Variants in ERBB4 observed in about 807,000 individuals in gnomAD.
ERBB4 encodes the protein erb-b2 receptor tyrosine kinase 4, also known as receptor tyrosine-protein kinase erbB-4.
ERBB4 carries 42 observed loss-of-function variants against 158.0 expected under a neutral mutation model. The ratio of observed to expected loss-of-function variants is 0.27; its 90% CI spans 0.21 to 0.34. The LOEUF is 0.34. Among genes scored for constraint, ERBB4 ranks in the 10% least tolerant of loss-of-function variants. The pLI is 1.00. For missense variants in ERBB4, 1,333 were observed against 1,624.1 expected (o/e 0.82, Z 3.08); for synonymous variants, 583 against 558.7 (o/e 1.04, Z -0.61).
At chr2:212,109,743 T>C (rs975130195) in intron 2 of ERBB4, among the ~76,000 whole-genome samples, 6 of 152,170 alleles carry the variant, frequency 3.9e-5, no homozygotes, top group African/African-American at 1.4e-4. Context: ...AAAGAGAGCA[T>C]TAAGCAAGAG....
chr2:211,679,731 G>A (rs1051003700), intron 12 of ERBB4, among the ~76,000 whole-genome samples: 5 of 152,116 alleles, frequency 3.3e-5, no homozygotes, highest in African/African-American at 9.7e-5. Context: ...CCAGATCCAA[G>A]TGCAGTGGCA....
At chr2:211,874,377 T>C (rs1443450701) in intron 3 of ERBB4, among the ~76,000 whole-genome samples, 1 of 152,228 alleles carries the variant, frequency 6.6e-6, no homozygotes, top group African/African-American at 2.4e-5. Flanking sequence ...TCTTACCCTA[T>C]CTACTCTTGA....
At chr2:212,212,003 A>G (rs1180855757) in intron 1 of ERBB4, among the ~76,000 whole-genome samples, 1 of 152,114 alleles carries the variant, frequency 6.6e-6, no homozygotes, top group East Asian at 1.9e-4. Flanking sequence ...TACTACTGTA[A>G]ATAGTGCTGC....
At position 212,456,522 on chromosome 2, in the gene ERBB4, T is replaced by C. The variant is rs571216743; in HGVS notation, c.82+81927A>G. 5.3e-5 allele frequency among the ~76,000 whole-genome samples: 8 copies of C among 151,976 alleles called. No homozygotes were observed. The South Asian group carries it at 1.7e-3, about 32-fold the overall frequency. On this transcript the variant is annotated intron_variant, in intron 1 of 27. Coordinates refer to ENST00000342788, the MANE Select transcript of ERBB4 (RefSeq NM_005235.3). ...AGTATAAAAAGACTGAGTCTGCTGT[T>C]TATAAATACCACAATGCTTCCTTCA...
chr2:212,489,407 C>G (rs984107510), intron 1 of ERBB4, among the ~76,000 whole-genome samples: 4 of 151,912 alleles, frequency 2.6e-5, no homozygotes, highest in Admixed American at 6.6e-5. Context: ...AACCAAGACT[C>G]AAGTCCTTAT....
At chr2:211,933,288 A>G (rs2080226943) in intron 3 of ERBB4, among the ~76,000 whole-genome samples, 1 of 152,082 alleles carries the variant, frequency 6.6e-6, no homozygotes, top group Non-Finnish European at 1.5e-5. Flanking sequence ...CTATGTGAAC[A>G]ATGGTATCAA....
intron 1 of ERBB4, among the ~76,000 whole-genome samples, chr2:212,268,211 G>A (rs937606252): frequency 6.6e-6 from 1 of 151,860 alleles, no homozygotes; most frequent in Non-Finnish European, 1.5e-5. Context: ...TTCTCTGTAT[G>A]ATAGCCTGAA....
chr2:211,903,299 T>C (rs944727598), intron 3 of ERBB4, among the ~76,000 whole-genome samples: 1 of 152,092 alleles, frequency 6.6e-6, no homozygotes, highest in African/African-American at 2.4e-5. Context: ...AAATTAAATA[T>C]CATATTGAAT....
rs1559928506 is a variant in ERBB4 at position 212,286,599 on chromosome 2, T to TTTTTTTTTTGTTTTG, written c.83-161697_83-161696insCAAAACAAAAAAAAA. 7.3e-4 allele frequency among the ~76,000 whole-genome samples: 61 copies of TTTTTTTTTTGTTTTG among 83,830 alleles called. 1 individual carries two copies. The highest frequency in any genetic ancestry group is 4.2e-3 in the South Asian group (11 of 2,602). The allele number at this position is 83,830 out of a possible 152,430, so 55.0% of individuals were successfully genotyped here. ...GATGATTACATAAGTGCTGACTTTT[T>TTTTTTTTTTGTTTTG]TTTTTTTTTTTTTTTTTTTTTGACA... On this transcript the variant is annotated intron_variant, in intron 1 of 27. Coordinates refer to ENST00000342788, the MANE Select transcript of ERBB4 (RefSeq NM_005235.3).
At chr2:212,116,960 A>C (rs1160016602) in intron 2 of ERBB4, among the ~76,000 whole-genome samples, 1 of 152,180 alleles carries the variant, frequency 6.6e-6, no homozygotes, top group Non-Finnish European at 1.5e-5. Flanking sequence ...TAAATTGCAT[A>C]GCTTTTTCAA....
At chr2:211,438,378 G>C (rs925978016) in intron 20 of ERBB4, among the ~76,000 whole-genome samples, 1 of 152,068 alleles carries the variant, frequency 6.6e-6, no homozygotes, top group Non-Finnish European at 1.5e-5. Context: ...AATCATCTTA[G>C]TGCATCCTAA....
chr2:212,280,374 G>C (rs1201596183), intron 1 of ERBB4, among the ~76,000 whole-genome samples: 2 of 151,568 alleles, frequency 1.3e-5, no homozygotes, highest in African/African-American at 4.8e-5. Context: ...CACTTGGAAT[G>C]GTTAATTCAC....
At chr2:212,035,754 T>C (rs776963040) in intron 2 of ERBB4, among the ~76,000 whole-genome samples, 4 of 152,238 alleles carry the variant, frequency 2.6e-5, no homozygotes, top group Non-Finnish European at 5.9e-5. Flanking sequence ...TGGCATGTAA[T>C]ATGCACTCAG....
chr2:212,512,375 T>C (rs529604729), intron 1 of ERBB4, among the ~76,000 whole-genome samples: 4 of 150,584 alleles, frequency 2.7e-5, no homozygotes, highest in African/African-American at 9.7e-5. Flanking sequence ...AAAAAACAAA[T>C]ATGATACAGG....
intron 2 of ERBB4, among the ~76,000 whole-genome samples, chr2:211,949,586 T>C (rs751707685): frequency 6.6e-6 from 1 of 152,232 alleles, no homozygotes. Context: ...TCAATTACAT[T>C]TTATGGCTCT....
At chr2:212,061,331 T>C (rs1032413905) in intron 2 of ERBB4, among the ~76,000 whole-genome samples, 3 of 151,590 alleles carry the variant, frequency 2.0e-5, no homozygotes, top group Non-Finnish European at 2.9e-5. Flanking sequence ...TTCGTGACTG[T>C]AATCCCAGCT....
intron 1 of ERBB4, among the ~76,000 whole-genome samples, chr2:212,478,540 T>C (rs1201466644): frequency 2.6e-5 from 4 of 152,008 alleles, no homozygotes; most frequent in Admixed American, 2.0e-4. Flanking sequence ...AGCAGAAACA[T>C]TCTGAGACAG....
At chr2:212,363,477 A>G (rs2089768671) in intron 1 of ERBB4, among the ~76,000 whole-genome samples, 1 of 151,510 alleles carries the variant, frequency 6.6e-6, no homozygotes, top group South Asian at 2.1e-4. Flanking sequence ...AATCATCATT[A>G]CACTGAATTC....
intron 4 of ERBB4, among the ~76,000 whole-genome samples, chr2:211,780,390 GAAAAT>G (rs1029373177): frequency 1.3e-5 from 2 of 152,018 alleles, no homozygotes; most frequent in African/African-American, 4.8e-5. Context: ...CAAAAGAAAA[GAAAAT>G]AAAGATGTAT....
Sources: gnomAD v4.1 joint callset for allele counts (sites outside exome capture counted in the v4.1 genomes callset) on GRCh38, gnomAD v4.1.1 for gene constraint, MANE v1.5 for transcripts, NCBI Gene and HGNC (gene_info 2026-07-23, HGNC 2026-07-21) for gene names.